Variants in ATP5F1A observed in about 807,000 individuals in gnomAD.
The protein encoded by ATP5F1A is ATP synthase F1 subunit alpha.
In ATP5F1A, 24 loss-of-function variants were observed where a neutral mutation model predicts 57.4. That is an observed-to-expected ratio of 0.42 (90% confidence interval 0.30 to 0.59). The LOEUF (loss-of-function observed/expected upper bound fraction) is 0.59, where lower values mean the gene tolerates loss of function less well. Among genes scored for constraint, ATP5F1A ranks in the 20% least tolerant of loss-of-function variants. The pLI is 0.19. For missense variants in ATP5F1A, 494 were observed against 707.9 expected (o/e 0.70, Z 3.43); for synonymous variants, 251 against 255.5 (o/e 0.98, Z 0.17).
chr18:46,089,781 T>C (rs903960714), intron 4 of ATP5F1A, 42 bp downstream of exon 4: 5 of 1,610,270 alleles, frequency 3.1e-6, no homozygotes, highest in Admixed American at 1.7e-5. Flanking sequence ...GTTTTGATGT[T>C]TGTTAGAAGC....
chr18:46,087,534 T>C, intron 6 of ATP5F1A, 42 bp from the exon 7 acceptor site: 1 of 1,595,682 alleles, frequency 6.3e-7, no homozygotes, highest in South Asian at 1.1e-5. Flanking sequence ...ATTGTGGTTT[T>C]AAATTGGAGG....
At chr18:46,093,977 G>A (rs944284445) in intron 2 of ATP5F1A, among the ~76,000 whole-genome samples, 4 of 151,020 alleles carry the variant, frequency 2.6e-5, no homozygotes, top group African/African-American at 7.3e-5. Flanking sequence ...TGTGGTGGTG[G>A]GCACCTGTAA....
chr18:46,097,925 G>A (rs1911084605), intron 1 of ATP5F1A: 2 of 1,250,214 alleles, frequency 1.6e-6, no homozygotes, highest in Admixed American at 4.1e-5. Context: ...CCGAAGACAG[G>A]AATCTTGAGG....
upstream of ATP5F1A, among the ~76,000 whole-genome samples, chr18:46,101,896 C>G (rs187603585): frequency 6.6e-6 from 1 of 150,554 alleles, no homozygotes; most frequent in Non-Finnish European, 1.5e-5. Context: ...AAAAAAAGGC[C>G]GGGCATGGTG....
chr18:46,084,524 T>C lies in ATP5F1A; in HGVS notation c.1560A>G (p.Gln520=), dbSNP rs1909943317. 1 of 1,602,610 alleles carries C rather than the reference T, an allele frequency of 6.2e-7. No homozygotes were observed. The highest frequency in any genetic ancestry group is 1.3e-5 in the African/African-American group (1 of 74,280). Residue 520 remains glutamine, a synonymous_variant, in exon 11 of 12, where the codon CAA becomes CAG. Transcript: ENST00000398752. ...CATACCTGATAGTGCCCAACAAGGC[T>C]TGGTGCTGGCTGACGACATGAGACA... ...AFLSHVVSQH[Q]ALLGTIRADG... is the part of the protein sequence containing the mutation.
intron 1 of ATP5F1A, among the ~76,000 whole-genome samples, chr18:46,095,653 G>C (rs1309294722): frequency 6.6e-6 from 1 of 151,472 alleles, no homozygotes; most frequent in African/African-American, 2.4e-5. Flanking sequence ...TCTCACTCTT[G>C]TCACCCAGGT....
At chr18:46,103,228 G>A (rs1028628307), upstream of ATP5F1A, among the ~76,000 whole-genome samples, 3 of 151,762 alleles carry the variant, frequency 2.0e-5, no homozygotes, top group African/African-American at 7.3e-5. Flanking sequence ...GCTTGAGCCT[G>A]GGGACGGGGG....
rs371176541 is a variant in ATP5F1A, at chr18:46,087,272, T to C, written c.952-40A>G. 1.7e-5 allele frequency: 28 copies of C among 1,611,830 alleles called. No individual in the cohort carries two copies. The African/African-American group carries it at 2.9e-4, about 17-fold the overall frequency. ...AGGTTTGTGAAGTTAACCTATTAAA[T>C]AGAAGTTGCATATGTGAACTTTTAC... On this transcript the variant is annotated intron_variant, in intron 7 of 11. Transcript: ENST00000398752.
In ATP5F1A at chr18:46,089,663, C is replaced by G. The variant is rs767643389; in HGVS notation, c.553G>C (p.Val185Leu). ...KAPGIIPRIS[V>L]REPMQTGIKA... ...ATGCCAGTCTGCATTGGTTCCCGCA[C>G]TGAAATTCGAGGAATGATACCGGGG... Residue 185 changes from valine to leucine, a missense_variant, in exon 5 of 12, where the codon GTG (valine) becomes CTG (leucine). Coordinates refer to ENST00000398752, the MANE Select transcript of ATP5F1A (RefSeq NM_004046.6). The G allele has an allele frequency of 6.2e-7, 1 of 1,614,260 alleles. No homozygotes were observed. The highest frequency in any genetic ancestry group is 8.5e-7 in the Non-Finnish European group (1 of 1,180,038).
chr18:46,094,334 A>C (rs8089150), intron 2 of ATP5F1A, among the ~76,000 whole-genome samples: 1 of 151,898 alleles, frequency 6.6e-6, no homozygotes, highest in African/African-American at 2.4e-5. Context: ...GCAAGTTCAC[A>C]GATTGCCAAA....
rs1201432062 is a variant in ATP5F1A at position 46,094,958 on chromosome 18, T to G, written c.139+95A>C. On this transcript the variant is annotated intron_variant, in intron 2 of 11. Transcript: ENST00000398752. ...AGTCTATACAAACTAGAGAAAAAAC[T>G]AACAAATGAAAAACAACTCACCACA... is the stretch of plus-strand genomic sequence containing the variant. 8 of 1,406,784 alleles carry G rather than the reference T, an allele frequency of 5.7e-6. No homozygotes were observed. In the South Asian group the frequency reaches 7.3e-5, roughly 13 times the overall value. The allele number at this position is 1,406,784 out of a possible 1,614,324, so 87.1% of individuals were successfully genotyped here.
intron 1 of ATP5F1A, among the ~76,000 whole-genome samples, chr18:46,097,563 C>T (rs139998178): frequency 7.6e-4 from 116 of 152,314 alleles, no homozygotes; most frequent in African/African-American, 2.5e-3. Flanking sequence ...ACTGTTGTCA[C>T]AGTGCTGGCC....
chr18:46,102,155 C>T (rs1489329031), upstream of ATP5F1A, among the ~76,000 whole-genome samples: 1 of 146,304 alleles, frequency 6.8e-6, no homozygotes, highest in Non-Finnish European at 1.5e-5. Context: ...GCCTAGGCAA[C>T]AGCACAAGAC....
At chr18:46,086,563 C>A in intron 8 of ATP5F1A, 69 bp from the exon 9 acceptor site, 2 of 1,437,500 alleles carry the variant, frequency 1.4e-6, no homozygotes, top group South Asian at 1.3e-5. Context: ...AAATTTAAGT[C>A]ATTATGCCAA....
In ATP5F1A at chr18:46,087,023, G is replaced by A. The variant is rs1209243977; in HGVS notation, c.1161C>T (p.Ser387=). ...VSAYIPTNVI[S]ITDGQIFLET... Reference sequence around the variant, plus strand: ...AAAATAATACCTGTCCGTCAGTGATGGAAATGACATTTGTTGGAATGTAAG... The same window carrying A: ...AAAATAATACCTGTCCGTCAGTGATAGAAATGACATTTGTTGGAATGTAAG... Residue 387 remains serine, a synonymous_variant, in exon 8 of 12, where the codon TCC becomes TCT. Transcript: ENST00000398752. 2.5e-6 allele frequency: 4 copies of A among 1,613,848 alleles called. No homozygotes were observed. Among genetic ancestry groups the A allele is most frequent in the African/African-American group, 2.7e-5 (2 of 75,004 alleles).
chr18:46,103,882 C>A lies in ATP5F1A; in HGVS notation c.-49+255G>T, dbSNP rs185442455. Reference sequence around the variant, plus strand: ...TGAGCCGAGATCATGCCACTGCACTCCAGCCTGGGCGACAAAGCGAGACTC... The same window carrying A: ...TGAGCCGAGATCATGCCACTGCACTACAGCCTGGGCGACAAAGCGAGACTC... On this transcript the variant is annotated intron_variant, in intron 1 of 12. Coordinates refer to the ATP5F1A transcript ENST00000282050. Among the ~76,000 whole-genome samples the A allele has an allele frequency of 8.1e-3, 1,238 of 152,062 alleles. 25 individuals are homozygous for A. Among genetic ancestry groups the A allele is most frequent in the African/African-American group, 0.028 (1,166 of 41,516 alleles).
intron 2 of ATP5F1A, 138 bp from the exon 3 acceptor site, chr18:46,091,989 A>AGGGTTCTCCATGT: frequency 1.5e-6 from 1 of 651,652 alleles, no homozygotes; most frequent in Non-Finnish European, 2.4e-6. Context: ...CCTGACCAAC[A>AGGGTTCTCCATGT]TGGAGAACCC....
intron 10 of ATP5F1A, 71 bp downstream of exon 10, chr18:46,086,042 C>A (rs1028692772): frequency 2.8e-5 from 42 of 1,520,542 alleles, no homozygotes; most frequent in Non-Finnish European, 3.7e-5. Context: ...ATATGTGATG[C>A]AGCTCTGTAG....
chr18:46,089,519 T>A (rs759464294), intron 5 of ATP5F1A, 47 bp downstream of exon 5: 4 of 1,602,724 alleles, frequency 2.5e-6, no homozygotes, highest in Non-Finnish European at 3.4e-6. Context: ...AATCCTTCCA[T>A]TGAGCAAATT....
Sources: gnomAD v4.1 joint callset for allele counts (sites outside exome capture counted in the v4.1 genomes callset) on GRCh38, gnomAD v4.1.1 for gene constraint, MANE v1.5 for transcripts, NCBI Gene and HGNC (gene_info 2026-07-23, HGNC 2026-07-21) for gene names.